Variants in KLC3 observed in about 807,000 individuals in gnomAD.
KLC3 encodes kinesin light chain 3.
A neutral mutation model predicts 62.9 loss-of-function variants in KLC3; 72 were observed. That is an observed-to-expected ratio of 1.15 (90% confidence interval 0.95 to 1.39). KLC3 has a LOEUF of 1.39. Ranked by LOEUF, KLC3 falls within the 40% of genes most tolerant of loss-of-function variation. The pLI, the probability that KLC3 is intolerant of heterozygous loss-of-function variation, is 0.00. For missense variants in KLC3, 848 were observed against 691.6 expected, an observed-to-expected ratio of 1.23 and a Z score of -2.54; for synonymous variants, 377 against 300.5, an observed-to-expected ratio of 1.25 and a Z score of -2.63.
chr19:45,347,710 C>T (rs562796081), intron 4 of KLC3, among the ~76,000 whole-genome samples, 194 bp downstream of exon 4: 5 of 152,232 alleles, frequency 3.3e-5, no homozygotes, highest in South Asian at 4.2e-4. Context: ...TGGCAGGCCC[C>T]GTATTCACAT....
chr19:45,350,601 G>A, intron 10 of KLC3, 40 bp from the exon 11 acceptor site: 3 of 1,613,600 alleles, frequency 1.9e-6, no homozygotes, highest in Non-Finnish European at 2.5e-6. Flanking sequence ...GGGACTGCAT[G>A]GGCCTGGGGG....
Position 45,348,809 on chromosome 19 carries a change from C to T in KLC3, c.868-11C>T, listed in dbSNP as rs1359035152. ...GCCCATCCCTGACCTGTGCCTCCCC[C>T]AACCCCGCAGGTGGCCGCCACGCTC... On this transcript the variant is annotated splice_polypyrimidine_tract_variant and intron_variant, in intron 6 of 12. Transcript: ENST00000391946. The T allele has an allele frequency of 6.4e-7, 1 of 1,563,172 alleles. No individual in the cohort carries two copies. The highest frequency in any genetic ancestry group is 1.2e-5 in the South Asian group (1 of 84,992).
chr19:45,348,373 A>C (rs574608910), intron 5 of KLC3, among the ~76,000 whole-genome samples: 1 of 151,048 alleles, frequency 6.6e-6, no homozygotes, highest in South Asian at 2.1e-4. Context: ...TGAGCCAGGC[A>C]GAGAGGAGTC....
rs1971544018 is a variant in KLC3 at position 45,347,918 on chromosome 19, A to G, written c.560-23A>G. On this transcript the variant is annotated intron_variant, in intron 4 of 12. Coordinates refer to ENST00000391946, the MANE Select transcript of KLC3 (RefSeq NM_177417.3). ...AGGGGCAGGAGGCTTGCAGTGACCC[A>G]GAGCCCACCCCACCCCACCTAGGTC... The G allele has an allele frequency of 5.7e-6, 9 of 1,569,282 alleles. No individual in the cohort carries two copies. In the East Asian group the frequency reaches 7.0e-5, roughly 12 times the overall value.
chr19:45,341,579 G>A (rs1314637257), intron 1 of KLC3, among the ~76,000 whole-genome samples: 2 of 87,018 alleles, frequency 2.3e-5, no homozygotes, highest in Non-Finnish European at 5.9e-5. Context: ...GTGTGTGTGT[G>A]CGCGCGCGCG....
rs1390103098 is a variant in KLC3, at chr19:45,349,663, C to T, written c.1143+61C>T. 3.0e-6 allele frequency: 4 copies of T among 1,341,098 alleles called. No individual in the cohort carries two copies. In the East Asian group the frequency reaches 7.2e-5, roughly 24 times the overall value. 83.1% of individuals were successfully genotyped at this position (1,341,098 alleles called of 1,614,324 possible). A position where few individuals can be genotyped will look rare whatever the true frequency, so the allele number is the denominator to read the frequency against. On this transcript the variant is annotated intron_variant, in intron 8 of 12. Coordinates refer to ENST00000391946, the MANE Select transcript of KLC3 (RefSeq NM_177417.3). ...GAGGGTCCTGCCCTGGGGAGGCACCCATTGGTTGGATACAGGGTGAGCAAC... is the reference window on the plus strand; with the variant it reads ...GAGGGTCCTGCCCTGGGGAGGCACCTATTGGTTGGATACAGGGTGAGCAAC...
intron 8 of KLC3, chr19:45,350,009 C>T: frequency 2.2e-6 from 1 of 445,246 alleles, no homozygotes; most frequent in Non-Finnish European, 4.0e-6. Flanking sequence ...AGCAGACAGG[C>T]TCAGAAACAG....
intron 1 of KLC3, among the ~76,000 whole-genome samples, chr19:45,344,386 T>C (rs1703351872): frequency 6.7e-6 from 1 of 149,252 alleles, no homozygotes; most frequent in Non-Finnish European, 1.5e-5. Context: ...GCTATTTTTT[T>C]TTTTTTTTTT....
chr19:45,351,275 C>CCTGT lies in KLC3; in HGVS notation c.1444-8_1444-5dup. 6.2e-7 allele frequency: 1 copy of CCTGT among 1,611,994 alleles called. No individual in the cohort carries two copies. Among genetic ancestry groups the CCTGT allele is most frequent in the Middle Eastern group, 1.6e-4 (1 of 6,062 alleles). Reference sequence around the variant, plus strand: ...ACCTCCCCTCCAACCATCCCCTGTGCCTGTCTCCAGTTTCCCAGCTGGCAC... The same window carrying CCTGT: ...ACCTCCCCTCCAACCATCCCCTGTGCCTGTCTGTCTCCAGTTTCCCAGCTGGCAC... On this transcript the variant is annotated splice_polypyrimidine_tract_variant and intron_variant, in intron 12 of 12. Transcript: ENST00000391946.
intron 1 of KLC3, 151 bp from the exon 2 acceptor site, chr19:45,345,383 G>T: frequency 1.0e-6 from 1 of 952,634 alleles, no homozygotes; most frequent in South Asian, 1.6e-5. Flanking sequence ...AGAGGGTGTG[G>T]AGGCAGAGGG....
At chr19:45,341,578 T>TGTGTGTGTGTGTGTGTGCGCGCGC in intron 1 of KLC3, among the ~76,000 whole-genome samples, 7 of 139,800 alleles carry the variant, frequency 5.0e-5, no homozygotes, top group African/African-American at 1.9e-4. Flanking sequence ...TGTGTGTGTG[T>TGTGTGTGTGTGTGTGTGCGCGCGC]GCGCGCGCGC....
Position 45,341,578 on chromosome 19 carries a change from T to TGTGTGTGTGTGTGTGCGCGCGC in KLC3, c.-9+733_-9+734insTGTGTGTGTGTGTGCGCGCGCG. On this transcript the variant is annotated intron_variant, in intron 1 of 12. Transcript: ENST00000391946. Reference sequence around the variant, plus strand: ...TGGTGTGTGTGTGTGTGTGTGTGTGTGCGCGCGCGCGTGTGGTGGACAGTG... The same window carrying TGTGTGTGTGTGTGTGCGCGCGC: ...TGGTGTGTGTGTGTGTGTGTGTGTGTGTGTGTGTGTGTGTGCGCGCGCGCGCGCGCGCGTGTGGTGGACAGTG... Among the ~76,000 whole-genome samples the TGTGTGTGTGTGTGTGCGCGCGC allele has an allele frequency of 2.6e-3, 366 of 139,844 alleles. 2 individuals carry two copies. Among genetic ancestry groups the TGTGTGTGTGTGTGTGCGCGCGC allele is most frequent in the African/African-American group, 9.3e-3 (347 of 37,408 alleles). 91.7% of individuals were successfully genotyped at this position (139,844 alleles called of 152,430 possible). A position where few individuals can be genotyped will look rare whatever the true frequency, so the allele number is the denominator to read the frequency against.
chr19:45,344,378 T>TA lies in KLC3; in HGVS notation c.-8-1155dup, dbSNP rs1236631736. 2.2e-3 allele frequency among the ~76,000 whole-genome samples: 256 copies of TA among 117,434 alleles called. 1 individual carries two copies. The highest frequency in any genetic ancestry group is 9.3e-3 in the African/African-American group (203 of 21,724). The allele number at this position is 117,434 out of a possible 152,430, so 77.0% of individuals were successfully genotyped here. On this transcript the variant is annotated intron_variant, in intron 1 of 12. Coordinates refer to ENST00000391946, the MANE Select transcript of KLC3 (RefSeq NM_177417.3). ...ACAGGCATGCGCCACCATGCTCTGC[T>TA]ATTTTTTTTTTTTTTTTTCCAGTAG...
intron 1 of KLC3, among the ~76,000 whole-genome samples, chr19:45,341,554 G>GGTGTGTGTGTGT (rs773352088): frequency 8.7e-4 from 125 of 144,110 alleles, no homozygotes; most frequent in Middle Eastern, 3.8e-3. Flanking sequence ...TCTGCCTGTT[G>GGTGTGTGTGTGT]GTGTGTGTGT....
Position 45,349,553 on chromosome 19 carries a change from C to T in KLC3, c.1094C>T (p.Ala365Val). ...HYARALSIYE[A>V]LGGPHDPNVA... is the part of the protein sequence containing the mutation. ...GCCCGGGCCCTGAGCATCTATGAGG[C>T]ACTGGGCGGGCCCCATGACCCCAAC... is the stretch of plus-strand genomic sequence containing the variant. Residue 365 changes from alanine (A) to valine (V), a missense_variant, in exon 8 of 13, where the codon GCA becomes GTA. Coordinates refer to ENST00000391946, the MANE Select transcript of KLC3 (RefSeq NM_177417.3). 6.2e-7 allele frequency: 1 copy of T among 1,613,924 alleles called. No homozygotes were observed. Among genetic ancestry groups the T allele is most frequent in the Non-Finnish European group, 8.5e-7 (1 of 1,179,920 alleles).
chr19:45,341,528 C>A (rs1363564925), intron 1 of KLC3, among the ~76,000 whole-genome samples: 1 of 148,662 alleles, frequency 6.7e-6, no homozygotes, highest in Non-Finnish European at 1.5e-5. Flanking sequence ...AGAGGCTGTG[C>A]GGCTGTGGTT....
At chr19:45,351,110 C>T (rs1971744302) in intron 12 of KLC3, 93 bp downstream of exon 12, 3 of 1,607,574 alleles carry the variant, frequency 1.9e-6, no homozygotes, top group Admixed American at 1.7e-5. Flanking sequence ...GTGGTGGAGT[C>T]AGCAGGTGGT....
chr19:45,346,145 G>A (rs1251704483), intron 2 of KLC3, among the ~76,000 whole-genome samples: 1 of 151,930 alleles, frequency 6.6e-6, no homozygotes, highest in Non-Finnish European at 1.5e-5. Flanking sequence ...CTGGGTGACA[G>A]AGAGAGACTG....
intron 1 of KLC3, among the ~76,000 whole-genome samples, chr19:45,341,593 G>GCGCGC (rs1555772528): frequency 1.3e-5 from 2 of 151,118 alleles, no homozygotes; most frequent in South Asian, 2.1e-4. Context: ...GCGCGCGTGT[G>GCGCGC]GTGGACAGTG....
Sources: gnomAD v4.1 joint callset for allele counts (sites outside exome capture counted in the v4.1 genomes callset) on GRCh38, gnomAD v4.1.1 for gene constraint, MANE v1.5 for transcripts, NCBI Gene and HGNC (gene_info 2026-07-23, HGNC 2026-07-21) for gene names.